Variants in MED12L observed in about 807,000 individuals in gnomAD.
The protein encoded by MED12L is mediator of RNA polymerase II transcription subunit 12-like protein.
MED12L carries 60 observed loss-of-function variants against 281.3 expected under a neutral mutation model. The observed-to-expected ratio is 0.21, with a 90% CI of 0.17 to 0.26. The LOEUF is 0.26. Ranked by LOEUF, MED12L falls within the 10% of genes least tolerant of loss-of-function variation. MED12L has a pLI of 1.00. For synonymous variants in MED12L, 974 were observed against 987.2 expected, an observed-to-expected ratio of 0.99 and a Z score of 0.25; for missense variants, 2,146 against 2,680.9, an observed-to-expected ratio of 0.80 and a Z score of 4.41.
intron 16 of MED12L, among the ~76,000 whole-genome samples, chr3:151,344,440 C>G (rs1752282671): frequency 6.6e-6 from 1 of 152,030 alleles, no homozygotes; most frequent in Non-Finnish European, 1.5e-5. Context: ...AACAAAATAG[C>G]ATGGTATATT....
chr3:151,141,471 T>TA (rs1717019246), intron 5 of MED12L, among the ~76,000 whole-genome samples: 1 of 152,168 alleles, frequency 6.6e-6, no homozygotes, highest in Non-Finnish European at 1.5e-5. Flanking sequence ...GCTGTGCTGT[T>TA]TGTCTGTAAG....
chr3:151,344,785 G>A (rs1160094508), intron 16 of MED12L, among the ~76,000 whole-genome samples: 5 of 152,140 alleles, frequency 3.3e-5, no homozygotes, highest in Non-Finnish European at 7.4e-5. Context: ...TTTCCTTAAG[G>A]ACATTAGTAA....
rs764522324 is a variant in MED12L, at chr3:151,378,153, G to A, written c.4458G>A (p.Arg1486=). 3.7e-6 allele frequency: 6 copies of A among 1,608,968 alleles called. No individual in the cohort carries two copies. The Admixed American group carries it at 6.7e-5, about 18-fold the overall frequency. ...QHLGSSSKKE[R]DRQKQKSMSL... is the part of the protein sequence containing the mutation. ...TGGGTTCTTCTTCCAAAAAGGAAAG[G>A]GACAGACAGAAACAGAAAAGGTGTG... Residue 1486 remains arginine, a synonymous_variant, in exon 31 of 45, where the codon AGG becomes AGA. Coordinates refer to ENST00000687756, the MANE Select transcript of MED12L (RefSeq NM_001393769.1).
At chr3:151,391,042 A>G (rs1714173420) in intron 38 of MED12L, among the ~76,000 whole-genome samples, 1 of 152,166 alleles carries the variant, frequency 6.6e-6, no homozygotes, top group East Asian at 1.9e-4. Flanking sequence ...ACCTATTCCC[A>G]TAGGGTGGGT....
intron 27 of MED12L, among the ~76,000 whole-genome samples, chr3:151,374,442 G>A (rs1367440855): frequency 6.6e-6 from 1 of 152,162 alleles, no homozygotes; most frequent in Non-Finnish European, 1.5e-5. Context: ...CAGCTACTTG[G>A]GAGGCTGAGG....
At chr3:151,425,528 G>A (rs963376974) in intron 43 of MED12L, 3 of 408,688 alleles carry the variant, frequency 7.3e-6, no homozygotes, top group Non-Finnish European at 1.5e-5. Context: ...AGCCTTCCAA[G>A]TAGCTGGGAA....
At chr3:151,145,982 G>A (rs1717702714) in intron 5 of MED12L, among the ~76,000 whole-genome samples, 2 of 152,202 alleles carry the variant, frequency 1.3e-5, no homozygotes, top group South Asian at 2.1e-4. Flanking sequence ...CTGAGAAATA[G>A]CGTTAATTTA....
At chr3:151,374,208 A>G (rs919994786) in intron 27 of MED12L, among the ~76,000 whole-genome samples, 1 of 145,756 alleles carries the variant, frequency 6.9e-6, no homozygotes, top group Non-Finnish European at 1.5e-5. Flanking sequence ...TAAATGTGCT[A>G]TCCAGCGCTT....
At chr3:151,225,213 T>G (rs1256211557) in intron 16 of MED12L, among the ~76,000 whole-genome samples, 6 of 152,322 alleles carry the variant, frequency 3.9e-5, no homozygotes, top group African/African-American at 1.4e-4. Flanking sequence ...CAGAAGTTGC[T>G]GTTCTCTCTC....
At chr3:151,185,226 GA>G in intron 11 of MED12L, 103 bp from the exon 12 acceptor site, 1 of 1,128,176 alleles carries the variant, frequency 8.9e-7, no homozygotes, top group Non-Finnish European at 1.2e-6. Context: ...ATAAAACATG[GA>G]AAAAAGCTTT....
chr3:151,361,810 A>G lies in MED12L; in HGVS notation c.2957+1205A>G, dbSNP rs556362374. On this transcript the variant is annotated intron_variant, in intron 21 of 44. Transcript: ENST00000687756. The stretch of plus-strand genomic sequence containing the variant: ...TCACTCCGTTTGTCTTTCTGCTTCC[A>G]TGGCCATTCCTACTTCAAATAGCAT... Among the ~76,000 whole-genome samples, 197 of 152,194 alleles carry G rather than the reference A, an allele frequency of 1.3e-3. 1 individual carries two copies. The highest frequency in any genetic ancestry group is 0.01 in the South Asian group (50 of 4,826).
chr3:151,172,141 G>A (rs111853554), intron 11 of MED12L, among the ~76,000 whole-genome samples: 2 of 152,128 alleles, frequency 1.3e-5, no homozygotes, highest in Admixed American at 1.3e-4. Flanking sequence ...GTAGAGGTAG[G>A]GGTGTGGCTG....
intron 23 of MED12L, among the ~76,000 whole-genome samples, chr3:151,367,442 G>C (rs567060538): frequency 6.6e-6 from 1 of 152,268 alleles, no homozygotes; most frequent in African/African-American, 2.4e-5. Flanking sequence ...TACAGCATTG[G>C]AATGTGGGTA....
chr3:151,430,531 G>C, intron 44 of MED12L, 151 bp downstream of exon 44: 2 of 1,300,912 alleles, frequency 1.5e-6, no homozygotes, highest in Non-Finnish European at 2.0e-6. Flanking sequence ...TTTTCATTCT[G>C]TCTTCGTTTG....
intron 16 of MED12L, among the ~76,000 whole-genome samples, chr3:151,218,651 G>A (rs369958250): frequency 6.6e-6 from 1 of 151,800 alleles, no homozygotes; most frequent in Non-Finnish European, 1.5e-5. Flanking sequence ...GGTGGATCAC[G>A]AGGTCAGGAG....
chr3:151,168,868 G>C (rs1362917111), intron 11 of MED12L, among the ~76,000 whole-genome samples: 2 of 152,044 alleles, frequency 1.3e-5, no homozygotes, highest in Non-Finnish European at 2.9e-5. Flanking sequence ...ACTGTGTCCA[G>C]CTAATTTTTC....
intron 16 of MED12L, among the ~76,000 whole-genome samples, chr3:151,232,615 A>G (rs990805010): frequency 6.6e-6 from 1 of 152,258 alleles, no homozygotes; most frequent in African/African-American, 2.4e-5. Flanking sequence ...CCATAAAAAA[A>G]GAATGAGATC....
At chr3:151,109,134 T>C (rs989386250) in intron 2 of MED12L, among the ~76,000 whole-genome samples, 1 of 151,870 alleles carries the variant, frequency 6.6e-6, no homozygotes, top group Non-Finnish European at 1.5e-5. Context: ...CTCGGCTCAC[T>C]GCAACCTCTG....
In MED12L at chr3:151,436,246, T is replaced by G. The variant is rs980094800; in HGVS notation, c.*3442T>G. 1 of 154,492 alleles carries G rather than the reference T, an allele frequency of 6.5e-6. No individual in the cohort carries two copies. Among genetic ancestry groups the G allele is most frequent in the Admixed American group, 6.3e-5 (1 of 15,756 alleles). 9.6% of individuals were successfully genotyped at this position (154,492 alleles called of 1,614,324 possible). On this transcript the variant is annotated 3_prime_UTR_variant, in exon 45 of 45. Transcript: ENST00000687756. ...AAAAAAATTTATAAACCACAAAATA[T>G]TTATACATCAGGATGGTAAATTTAC...
Sources: allele counts gnomAD v4.1 joint callset (sites outside exome capture counted in the v4.1 genomes callset), GRCh38; gene constraint gnomAD v4.1.1; transcripts MANE v1.5; gene names NCBI Gene and HGNC (gene_info 2026-07-23, HGNC 2026-07-21).